DSCAM: variants seen among roughly 807,000 people sequenced by gnomAD.
DSCAM encodes the protein cell adhesion molecule DSCAM.
A neutral mutation model predicts 217.7 loss-of-function variants in DSCAM; 47 were observed. The observed-to-expected ratio is 0.22, with a 90% CI of 0.17 to 0.28. The LOEUF (loss-of-function observed/expected upper bound fraction) is 0.28. DSCAM is among the 10% of genes least tolerant of loss of function. DSCAM has a pLI of 1.00. For missense variants in DSCAM, 2,080 were observed against 2,618.3 expected (o/e 0.79, Z 4.49); for synonymous variants, 1,056 against 1,015.3 (o/e 1.04, Z -0.76).
At chr21:40,448,186 G>A (rs994437830) in intron 3 of DSCAM, among the ~76,000 whole-genome samples, 3 of 152,168 alleles carry the variant, frequency 2.0e-5, no homozygotes, top group African/African-American at 7.2e-5. Context: ...TCTGTGAAGC[G>A]AGGATGTTTT....
intron 11 of DSCAM, among the ~76,000 whole-genome samples, chr21:40,249,048 G>A (rs979241653): frequency 2.6e-5 from 4 of 152,142 alleles, no homozygotes; most frequent in African/African-American, 7.2e-5. Context: ...ATCTCCCACT[G>A]GGTCCCTCCC....
chr21:40,577,750 A>G (rs1019735500), intron 3 of DSCAM, among the ~76,000 whole-genome samples: 4 of 152,220 alleles, frequency 2.6e-5, no homozygotes, highest in Non-Finnish European at 5.9e-5. Context: ...GCAAAAAGTT[A>G]AAAGGATAAA....
chr21:40,560,279 C>T (rs1345818028), intron 3 of DSCAM, among the ~76,000 whole-genome samples: 1 of 152,152 alleles, frequency 6.6e-6, no homozygotes, highest in Admixed American at 6.5e-5. Flanking sequence ...GTAGGAGTTA[C>T]CTAGAGAAGC....
At chr21:40,244,453 GA>G (rs76692462) in intron 11 of DSCAM, among the ~76,000 whole-genome samples, 5,186 of 99,850 alleles carry the variant, frequency 0.052, 120 homozygotes, top group African/African-American at 0.095. Context: ...TCCGTCTCCG[GA>G]AAAAAAAAAA....
intron 3 of DSCAM, among the ~76,000 whole-genome samples, chr21:40,591,268 A>C (rs375852557): frequency 1.3e-5 from 2 of 152,164 alleles, no homozygotes; most frequent in African/African-American, 4.8e-5. Flanking sequence ...TCCTTTATTA[A>C]TTACCCAGTC....
intron 3 of DSCAM, among the ~76,000 whole-genome samples, chr21:40,538,349 C>T (rs920607059): frequency 2.0e-5 from 3 of 152,218 alleles, no homozygotes; most frequent in African/African-American, 4.8e-5. Context: ...AGGCCCATCA[C>T]GCTGTCCTGT....
intron 3 of DSCAM, among the ~76,000 whole-genome samples, chr21:40,522,975 T>G (rs2076371200): frequency 6.6e-6 from 1 of 152,282 alleles, no homozygotes; most frequent in Middle Eastern, 3.4e-3. Context: ...CGCTTACACA[T>G]AGTGCAAAGA....
chr21:40,684,225 A>AAAAAAAG (rs1263869287), intron 3 of DSCAM, among the ~76,000 whole-genome samples: 3 of 152,082 alleles, frequency 2.0e-5, no homozygotes, highest in Admixed American at 6.5e-5. Flanking sequence ...ACTCCATCAA[A>AAAAAAAG]AAAAAAGAAA....
chr21:40,729,076 T>C (rs1356460596), intron 1 of DSCAM, among the ~76,000 whole-genome samples: 1 of 152,260 alleles, frequency 6.6e-6, no homozygotes, highest in Non-Finnish European at 1.5e-5. Flanking sequence ...ATTGCTTCTG[T>C]TCTTGGCATG....
intron 3 of DSCAM, among the ~76,000 whole-genome samples, chr21:40,541,235 G>A (rs2076540548): frequency 6.6e-6 from 1 of 151,784 alleles, no homozygotes; most frequent in African/African-American, 2.4e-5. Flanking sequence ...ACTATAACTA[G>A]TCCAGAACTT....
At chr21:40,203,039 G>A (rs1378935400) in intron 11 of DSCAM, among the ~76,000 whole-genome samples, 2 of 152,286 alleles carry the variant, frequency 1.3e-5, no homozygotes, top group East Asian at 3.9e-4. Context: ...ATCCTAGGAA[G>A]GAGGTTTTGT....
chr21:40,451,784 C>T (rs1469645084), intron 3 of DSCAM, among the ~76,000 whole-genome samples: 1 of 152,082 alleles, frequency 6.6e-6, no homozygotes, highest in Non-Finnish European at 1.5e-5. Flanking sequence ...CAATGCAATA[C>T]CCAAGTGTTC....
intron 1 of DSCAM, among the ~76,000 whole-genome samples, chr21:40,820,216 C>G (rs932299644): frequency 6.6e-6 from 1 of 152,040 alleles, no homozygotes; most frequent in Non-Finnish European, 1.5e-5. Flanking sequence ...AACCCAAATG[C>G]CCATCAATGA....
At chr21:40,521,950 A>G (rs1164795954) in intron 3 of DSCAM, among the ~76,000 whole-genome samples, 4 of 152,242 alleles carry the variant, frequency 2.6e-5, no homozygotes. Context: ...GTTTCAAAAC[A>G]TTACGTTGTG....
intron 21 of DSCAM, among the ~76,000 whole-genome samples, chr21:40,093,314 T>G (rs749487751): frequency 5.9e-5 from 9 of 152,254 alleles, no homozygotes; most frequent in Non-Finnish European, 1.0e-4. Context: ...AGATAGTGAA[T>G]GATTTTCAAA....
chr21:40,204,443 TTA>T (rs2091102751), intron 11 of DSCAM, among the ~76,000 whole-genome samples: 1 of 152,338 alleles, frequency 6.6e-6, no homozygotes, highest in Admixed American at 6.5e-5. Context: ...TGCATTTTTA[TTA>T]TGTTTATTAG....
In DSCAM at chr21:40,559,564, G is replaced by C. The variant is rs147562642; in HGVS notation, c.508+133246C>G. Among the ~76,000 whole-genome samples the C allele has an allele frequency of 3.4e-3, 520 of 152,026 alleles. 6 individuals are homozygous for C. Among genetic ancestry groups the C allele is most frequent in the Admixed American group, 0.023 (349 of 15,270 alleles). On this transcript the variant is annotated intron_variant, in intron 3 of 32. Coordinates refer to ENST00000400454, the MANE Select transcript of DSCAM (RefSeq NM_001389.5). ...TTGAGCACCTCTCAGGATCCACATA[G>C]GTATAGAAACAGAGTTCATTAGAAG...
chr21:40,764,822 C>T (rs1008981189), intron 1 of DSCAM, among the ~76,000 whole-genome samples: 2 of 152,134 alleles, frequency 1.3e-5, no homozygotes, highest in South Asian at 2.1e-4. Flanking sequence ...AAGCTGGAAA[C>T]CATCATCCTC....
At chr21:40,821,393 G>GCGCGCACA (rs375566271) in intron 1 of DSCAM, among the ~76,000 whole-genome samples, 3 of 146,164 alleles carry the variant, frequency 2.1e-5, no homozygotes, top group Admixed American at 1.4e-4. Context: ...ACACACGCGC[G>GCGCGCACA]CACACACACA....
Sources: gnomAD v4.1 joint callset for allele counts (sites outside exome capture counted in the v4.1 genomes callset) on GRCh38, gnomAD v4.1.1 for gene constraint, MANE v1.5 for transcripts, NCBI Gene and HGNC (gene_info 2026-07-23, HGNC 2026-07-21) for gene names.